NXPE4: variants seen among roughly 807,000 people sequenced by gnomAD.
The protein encoded by NXPE4 is neurexophilin and PC-esterase domain family member 4.
A neutral mutation model predicts 33.3 loss-of-function variants in NXPE4; 42 were observed. That is an observed-to-expected ratio of 1.26 (90% CI 0.98 to 1.63). The LOEUF is 1.63. NXPE4 is among the 40% of genes most tolerant of loss of function. The pLI is 0.00. For missense variants in NXPE4, 709 were observed against 647.6 expected, an observed-to-expected ratio of 1.09 and a Z score of -1.03; for synonymous variants, 253 against 234.9, an observed-to-expected ratio of 1.08 and a Z score of -0.71.
chr11:114,633,054 T>C, the NXPE4 span, among the ~76,000 whole-genome samples: 2 of 115,834 alleles, frequency 1.7e-5, no homozygotes, highest in Non-Finnish European at 3.2e-5. Context: ...ATTGCATTAT[T>C]ATTTTATATT....
chr11:114,650,573 G>A, the NXPE4 span, among the ~76,000 whole-genome samples: 1 of 151,066 alleles, frequency 6.6e-6, no homozygotes, highest in African/African-American at 2.4e-5. Flanking sequence ...CAGGAAGTGA[G>A]AAAAAATCTA....
the NXPE4 span, among the ~76,000 whole-genome samples, chr11:114,613,847 C>T: frequency 4.0e-5 from 6 of 149,950 alleles, no homozygotes; most frequent in South Asian, 2.1e-4. Flanking sequence ...GTGGATAATA[C>T]GTATTGCCTA....
Position 114,583,024 on chromosome 11 carries a change from GAAATGACAGC to G in NXPE4, c.97-13_97-4del, listed in dbSNP as rs1284545592. On this transcript the variant is annotated splice_region_variant and splice_polypyrimidine_tract_variant and intron_variant, in intron 2 of 5. Transcript: ENST00000375478. ...GATAAGTTTAGAGCAGACCAAACCT[GAAATGACAGC>G]AAATGTGACATGAGATGGATAAATT... The G allele has an allele frequency of 6.2e-7, 1 of 1,601,600 alleles. No homozygotes were observed. The highest frequency in any genetic ancestry group is 8.5e-7 in the Non-Finnish European group (1 of 1,174,566).
intron 4 of NXPE4, among the ~76,000 whole-genome samples, chr11:114,581,226 G>T (rs954002863): frequency 1.3e-5 from 2 of 152,156 alleles, no homozygotes; most frequent in Admixed American, 6.5e-5. Context: ...AAATTGGAGA[G>T]AAATTAGTAA....
chr11:114,650,634 G>T, the NXPE4 span, among the ~76,000 whole-genome samples: 1 of 152,134 alleles, frequency 6.6e-6, no homozygotes, highest in African/African-American at 2.4e-5. Flanking sequence ...CTAGGGAAGG[G>T]GCAGGAAGCT....
chr11:114,627,318 C>T, the NXPE4 span, among the ~76,000 whole-genome samples: 2 of 152,228 alleles, frequency 1.3e-5, no homozygotes, highest in African/African-American at 4.8e-5. Flanking sequence ...AACAGCAGAT[C>T]TCTTGGCAGA....
the NXPE4 span, among the ~76,000 whole-genome samples, chr11:114,614,026 G>A: frequency 3.0e-4 from 45 of 150,620 alleles, 1 homozygote; most frequent in Admixed American, 2.7e-3. Flanking sequence ...GTATTGTCTC[G>A]TGGGTAACCA....
At chr11:114,602,697 TATA>T in the NXPE4 span, among the ~76,000 whole-genome samples, 129 of 138,654 alleles carry the variant, frequency 9.3e-4, 1 homozygote, top group East Asian at 0.026. Context: ...TTATCTCATA[TATA>T]ATAATTACAG....
chr11:114,643,784 T>A, the NXPE4 span, among the ~76,000 whole-genome samples: 435 of 152,118 alleles, frequency 2.9e-3, 3 homozygotes, highest in South Asian at 0.015. Context: ...GTTTTTTTTT[T>A]AATAATTCTG....
At chr11:114,638,578 T>C in the NXPE4 span, among the ~76,000 whole-genome samples, 1 of 152,190 alleles carries the variant, frequency 6.6e-6, no homozygotes, top group Non-Finnish European at 1.5e-5. Flanking sequence ...GCTCTGTTTT[T>C]TCCCCATCTT....
chr11:114,603,589 T>C, the NXPE4 span, among the ~76,000 whole-genome samples: 3 of 150,904 alleles, frequency 2.0e-5, no homozygotes, highest in Non-Finnish European at 3.0e-5. Flanking sequence ...AGGTAACTCC[T>C]ATTACCTGGT....
the NXPE4 span, among the ~76,000 whole-genome samples, chr11:114,656,334 C>G: frequency 1.3e-5 from 2 of 152,116 alleles, no homozygotes. Context: ...GAATCAATAT[C>G]GTGAAAATGA....
chr11:114,609,540 C>T, the NXPE4 span, among the ~76,000 whole-genome samples: 23,643 of 151,640 alleles, frequency 0.16, 1,971 homozygotes, highest in South Asian at 0.22. Context: ...CCACTGTTAC[C>T]CAATGGATAA....
chr11:114,635,648 T>C, the NXPE4 span, among the ~76,000 whole-genome samples: 1 of 151,942 alleles, frequency 6.6e-6, no homozygotes, highest in East Asian at 1.9e-4. Context: ...CATCAATACC[T>C]AATTTATTGA....
chr11:114,589,324 A>G (rs55746559), intron 2 of NXPE4, among the ~76,000 whole-genome samples: 12,899 of 152,030 alleles, frequency 0.085, 679 homozygotes, highest in Middle Eastern at 0.2. Flanking sequence ...AGGCCCAGGT[A>G]ATTCTGGAAA....
intron 2 of NXPE4, among the ~76,000 whole-genome samples, chr11:114,585,086 C>G (rs1209910863): frequency 6.6e-6 from 1 of 151,986 alleles, no homozygotes; most frequent in Non-Finnish European, 1.5e-5. Flanking sequence ...CTTTTCAGCT[C>G]CTAAGTAACA....
the NXPE4 span, among the ~76,000 whole-genome samples, chr11:114,632,502 GTATTT>G: frequency 2.5e-5 from 3 of 118,462 alleles, no homozygotes; most frequent in East Asian, 2.2e-4. Context: ...ATATATTATA[GTATTT>G]TATTTTATAT....
the NXPE4 span, among the ~76,000 whole-genome samples, chr11:114,629,946 T>A: frequency 6.7e-6 from 1 of 150,044 alleles, no homozygotes; most frequent in East Asian, 1.9e-4. Flanking sequence ...ATAAAATACC[T>A]AGGAATCCAA....
the NXPE4 span, among the ~76,000 whole-genome samples, chr11:114,618,378 T>C: frequency 1.4e-5 from 2 of 147,476 alleles, no homozygotes; most frequent in African/African-American, 5.0e-5. Flanking sequence ...TCATGGGTAG[T>C]CACTGTTACC....
Sources: allele counts gnomAD v4.1 joint callset (sites outside exome capture counted in the v4.1 genomes callset), GRCh38; gene constraint gnomAD v4.1.1; transcripts MANE v1.5; gene names NCBI Gene and HGNC (gene_info 2026-07-23, HGNC 2026-07-21).